The following MUC12 variants were observed in gnomAD, a reference collection of about 807,000 sequenced individuals.
MUC12 encodes mucin 12, cell surface associated, also known as mucin-12.
A neutral mutation model predicts 230.8 loss-of-function variants in MUC12; 172 were observed. The ratio of observed to expected loss-of-function variants is 0.75; its 90% CI spans 0.66 to 0.85. MUC12 has a LOEUF of 0.85. MUC12 is among the 40% of genes least tolerant of loss of function. MUC12 has a pLI of 0.00. For missense variants in MUC12, 3,506 were observed against 5,920.6 expected, an observed-to-expected ratio of 0.59 and a Z score of 13.38; for synonymous variants, 1,259 against 2,401.9, an observed-to-expected ratio of 0.52 and a Z score of 13.91.
At chr7:101,006,599 C>A in intron 3 of MUC12, 27 bp downstream of exon 3, 1 of 1,430,084 alleles carries the variant, frequency 7.0e-7, no homozygotes, top group Non-Finnish European at 9.5e-7. Flanking sequence ...AGACCTGCAG[C>A]TCTTTGCAGG....
chr7:100,974,332 T>G (rs534537229), intron 1 of MUC12, among the ~76,000 whole-genome samples: 19 of 41,088 alleles, frequency 4.6e-4, no homozygotes, highest in African/African-American at 1.6e-3. Flanking sequence ...TGTTAGGCCA[T>G]TCCATATTGG....
rs536608170 is a variant in MUC12, at chr7:100,991,044, G to C, written c.481G>C (p.Val161Leu). Residue 161 changes from valine (V) to leucine (L), a missense_variant, in exon 2 of 12, where the codon GTC becomes CTC. By Grantham distance (32) the Val-to-Leu change is conservative. Transcript: ENST00000536621. ...LSPARTTSSG[V>L]SEKSTTSHSR... ...ACCTGCCCGCACGACAAGCTCAGGC[G>C]TCAGTGAAAAATCAACCACCTCCCA... 1.3e-6 allele frequency: 2 copies of C among 1,537,282 alleles called. No individual in the cohort carries two copies. The highest frequency in any genetic ancestry group is 1.7e-6 in the Non-Finnish European group (2 of 1,146,842).
chr7:100,992,314 C>G lies in MUC12; in HGVS notation c.1751C>G (p.Pro584Arg). Residue 584 changes from proline (P) to arginine (R), a missense_variant, in exon 2 of 12, where the codon CCA becomes CGA. Pro to Arg is a moderately radical substitution (Grantham distance 103). Coordinates refer to ENST00000536621, the MANE Select transcript of MUC12 (RefSeq NM_001164462.2). ...GPEYTTFHSRPGSTETTLLPD... is the reference protein window; with the variant it reads ...GPEYTTFHSRRGSTETTLLPD... ...GAATATACTACCTTCCACAGCCGCC[C>G]AGGCTCCACTGAAACAACACTCTTA... The G allele has an allele frequency of 6.5e-7, 1 of 1,536,802 alleles. No individual in the cohort carries two copies. Among genetic ancestry groups the G allele is most frequent in the Non-Finnish European group, 8.7e-7 (1 of 1,146,118 alleles).
At chr7:100,969,778 G>A in intron 1 of MUC12, 89 bp downstream of exon 1, 1 of 1,502,382 alleles carries the variant, frequency 6.7e-7, no homozygotes, top group Non-Finnish European at 9.0e-7. Context: ...GCTGCAGGTG[G>A]CCTCCTCCCC....
rs905252635 is a variant in MUC12, at chr7:100,990,541, C to G, written c.68-90C>G. ...ATACCATGGGCTGACCAGGTGTCTT[C>G]CAGCCCGGATGTGTCAGAATTGACT... On this transcript the variant is annotated intron_variant, in intron 1 of 11. Transcript: ENST00000536621. 8.2e-6 allele frequency: 12 copies of G among 1,467,672 alleles called. No individual in the cohort carries two copies. The African/African-American group carries it at 1.4e-4, about 17-fold the overall frequency. 90.9% of individuals were successfully genotyped at this position (1,467,672 alleles called of 1,614,324 possible). A position where few individuals can be genotyped will look rare whatever the true frequency, so the allele number is the denominator to read the frequency against.
At chr7:101,006,618 C>A in intron 3 of MUC12, 46 bp downstream of exon 3, 2 of 1,290,458 alleles carry the variant, frequency 1.5e-6, no homozygotes, top group Non-Finnish European at 2.2e-6. Context: ...GGCCCTTTCA[C>A]CCCTGAAAAC....
chr7:100,993,965 C>G lies in MUC12; in HGVS notation c.3402C>G (p.Ser1134Arg), dbSNP rs745701854. ...GVGEESTTSR[S>R]QPGSTHSTVS... ...GTGAAGAATCCACCACCTCCCGTAG[C>G]CAACCAGGTTCTACTCACTCAACAG... Residue 1134 changes from serine (S) to arginine (R), a missense_variant, in exon 2 of 12, where the codon AGC becomes AGG. Physicochemically the swap from Ser to Arg is moderately radical, Grantham distance 110. Coordinates refer to ENST00000536621, the MANE Select transcript of MUC12 (RefSeq NM_001164462.2). The G allele has an allele frequency of 1.6e-5, 22 of 1,387,288 alleles. 4 individuals carry two copies. The African/African-American group carries it at 3.6e-4, about 23-fold the overall frequency. 85.9% of individuals were successfully genotyped at this position (1,387,288 alleles called of 1,614,324 possible). A position where few individuals can be genotyped will look rare whatever the true frequency, so the allele number is the denominator to read the frequency against.
At chr7:101,007,117 C>T (rs1458237158) in intron 3 of MUC12, among the ~76,000 whole-genome samples, 1 of 152,062 alleles carries the variant, frequency 6.6e-6, no homozygotes, top group Non-Finnish European at 1.5e-5. Context: ...GGCCACCATG[C>T]CTGGCTAATT....
At chr7:100,990,310 A>G (rs756125772) in intron 1 of MUC12, among the ~76,000 whole-genome samples, 4 of 152,208 alleles carry the variant, frequency 2.6e-5, no homozygotes, top group Non-Finnish European at 5.9e-5. Context: ...TGAGAATCTA[A>G]CGGTAAATGT....
intron 10 of MUC12, among the ~76,000 whole-genome samples, 194 bp downstream of exon 10, chr7:101,015,885 G>T (rs1003242066): frequency 1.3e-5 from 2 of 152,156 alleles, no homozygotes; most frequent in Admixed American, 6.5e-5. Flanking sequence ...TGCAGGAGTG[G>T]TTGAGAACCA....
chr7:100,986,248 C>T (rs1002825278), intron 1 of MUC12, among the ~76,000 whole-genome samples: 1 of 151,894 alleles, frequency 6.6e-6, no homozygotes, highest in Non-Finnish European at 1.5e-5. Context: ...CCCTGTAGCC[C>T]CAACGATTTG....
intron 3 of MUC12, among the ~76,000 whole-genome samples, chr7:101,007,324 A>G (rs1174996462): frequency 6.6e-6 from 1 of 152,208 alleles, no homozygotes; most frequent in African/African-American, 2.4e-5. Context: ...CGTGTTAAAT[A>G]CTAGGTCTTA....
At chr7:100,981,786 A>G (rs1275102497) in intron 1 of MUC12, among the ~76,000 whole-genome samples, 2 of 151,080 alleles carry the variant, frequency 1.3e-5, no homozygotes, top group Non-Finnish European at 1.5e-5. Context: ...GTGGCCCACC[A>G]TGTCACTGCC....
rs976297988 is a variant in MUC12 at position 101,013,251 on chromosome 7, C to A, written c.15638+109C>A. 9.2e-6 allele frequency: 11 copies of A among 1,196,026 alleles called. No homozygotes were observed. In the African/African-American group the frequency reaches 1.5e-4, roughly 16 times the overall value. The allele number at this position is 1,196,026 out of a possible 1,614,324, so 74.1% of individuals were successfully genotyped here. A position where few individuals can be genotyped will look rare whatever the true frequency, so the allele number is the denominator to read the frequency against. On this transcript the variant is annotated intron_variant, in intron 8 of 11. Transcript: ENST00000536621. The stretch of plus-strand genomic sequence containing the variant: ...GGATTGAGTAGAGCTTGGGAGGTGC[C>A]TCCTCCCCACTCCTGGACATACCTC...
Position 100,995,447 on chromosome 7 carries a change from T to C in MUC12, c.4884T>C (p.Leu1628=). The change falls in exon 2 of 12, where the codon CTT becomes CTC. Residue 1628 remains leucine, a synonymous_variant. Transcript: ENST00000536621. ...CTGGCAGTACCACAGCATCATCCCT[T>C]GGTCCAGAATCTACTACTTTCCACA... The part of the protein sequence containing the change: ...LSPGSTTASS[L]GPESTTFHSS... The C allele has an allele frequency of 6.5e-7, 1 of 1,532,302 alleles. No homozygotes were observed. Among genetic ancestry groups the C allele is most frequent in the Non-Finnish European group, 8.7e-7 (1 of 1,144,712 alleles). The allele number at this position is 1,532,302 out of a possible 1,614,324, so 94.9% of individuals were successfully genotyped here.
intron 1 of MUC12, among the ~76,000 whole-genome samples, chr7:100,986,429 A>G (rs967413001): frequency 2.0e-5 from 3 of 150,818 alleles, no homozygotes; most frequent in African/African-American, 7.3e-5. Flanking sequence ...AAAAAAAAAA[A>G]GAAAAAAAAA....
At chr7:101,015,816 C>G (rs530322470) in intron 10 of MUC12, 125 bp downstream of exon 10, 2 of 799,192 alleles carry the variant, frequency 2.5e-6, no homozygotes, top group East Asian at 2.7e-5. Flanking sequence ...ACTGACAGCC[C>G]GTTCCCTACC....
At chr7:100,971,189 A>AAC (rs1319236189) in intron 1 of MUC12, among the ~76,000 whole-genome samples, 2 of 90,684 alleles carry the variant, frequency 2.2e-5, no homozygotes, top group Non-Finnish European at 4.7e-5. Context: ...AACAAAAAAA[A>AAC]AACAAACCGT....
At chr7:101,013,533 C>T (rs1296255976) in intron 8 of MUC12, among the ~76,000 whole-genome samples, 2 of 152,148 alleles carry the variant, frequency 1.3e-5, no homozygotes, top group African/African-American at 4.8e-5. Flanking sequence ...AAGATTACCT[C>T]TAGCTGCAGC....
Sources: gnomAD v4.1 joint callset for allele counts (sites outside exome capture counted in the v4.1 genomes callset) on GRCh38, gnomAD v4.1.1 for gene constraint, MANE v1.5 for transcripts, NCBI Gene and HGNC (gene_info 2026-07-23, HGNC 2026-07-21) for gene names.